The following SLC24A4 variants were observed in gnomAD, a reference collection of about 807,000 sequenced individuals.
The protein encoded by SLC24A4 is solute carrier family 24 member 4.
Under a neutral mutation model 79.0 loss-of-function variants are expected in SLC24A4, and 53 were observed. The ratio of observed to expected loss-of-function variants is 0.67; its 90% CI spans 0.54 to 0.84. The LOEUF (loss-of-function observed/expected upper bound fraction) is 0.84, where lower values mean the gene tolerates loss of function less well. Ranked by LOEUF, SLC24A4 falls within the 40% of genes least tolerant of loss-of-function variation. The pLI, the probability that SLC24A4 is intolerant of heterozygous loss-of-function variation, is 0.00. For synonymous variants in SLC24A4, 323 were observed against 323.8 expected, an observed-to-expected ratio of 1.00 and a Z score of 0.03; for missense variants, 731 against 822.0, an observed-to-expected ratio of 0.89 and a Z score of 1.35.
Position 92,449,196 on chromosome 14 carries a change from C to A in SLC24A4, c.860C>A (p.Ser287Tyr), listed in dbSNP as rs758036131. ...DFYDGSYDDP[S>Y]VPLLGQVKEK... ...TATGACGGTAGCTATGATGACCCTT[C>A]CGTGCCATTGCTGGGGCAAGGTAAG... Residue 287 changes from serine to tyrosine, a missense_variant, in exon 10 of 17, where the codon TCC (serine) becomes TAC (tyrosine). By Grantham distance (144) the Ser-to-Tyr change is moderately radical (BLOSUM62 -2). Transcript: ENST00000532405. The A allele has an allele frequency of 6.2e-7, 1 of 1,614,100 alleles. No homozygotes were observed. The highest frequency in any genetic ancestry group is 1.1e-5 in the South Asian group (1 of 91,082).
intron 2 of SLC24A4, among the ~76,000 whole-genome samples, chr14:92,361,510 A>T (rs956940472): frequency 6.6e-5 from 10 of 152,196 alleles, no homozygotes; most frequent in African/African-American, 2.2e-4. Context: ...AGGAAAAAAA[A>T]AAATGAAGAG....
At chr14:92,370,872 T>C (rs1274477909) in intron 2 of SLC24A4, among the ~76,000 whole-genome samples, 2 of 152,168 alleles carry the variant, frequency 1.3e-5, no homozygotes, top group Non-Finnish European at 2.9e-5. Context: ...ACAAAGGATC[T>C]AGAACCGGAG....
intron 12 of SLC24A4, among the ~76,000 whole-genome samples, chr14:92,461,782 A>G (rs1337736686): frequency 1.3e-5 from 2 of 152,148 alleles, no homozygotes; most frequent in African/African-American, 4.8e-5. Flanking sequence ...GCCCTTTTCT[A>G]AGAGCTTTAC....
At chr14:92,396,720 C>A (rs1243799597) in intron 2 of SLC24A4, among the ~76,000 whole-genome samples, 1 of 152,176 alleles carries the variant, frequency 6.6e-6, no homozygotes, top group Admixed American at 6.5e-5. Context: ...CAATTTTATA[C>A]TCTACTTTTC....
Position 92,476,202 on chromosome 14 carries a change from C to T in SLC24A4, c.1256-6478C>T, listed in dbSNP as rs151254938. On this transcript the variant is annotated intron_variant, in intron 12 of 16. Coordinates refer to ENST00000532405, the MANE Select transcript of SLC24A4 (RefSeq NM_153646.4). ...CTAAAGCGAATTCTTCCTCTACATACGGAGTTTTCTGTCAATTCTAGAAAT... is the reference window on the plus strand; with the variant it reads ...CTAAAGCGAATTCTTCCTCTACATATGGAGTTTTCTGTCAATTCTAGAAAT... Among the ~76,000 whole-genome samples, 310 of 152,296 alleles carry T rather than the reference C, an allele frequency of 2.0e-3. 3 individuals carry two copies. Among genetic ancestry groups the T allele is most frequent in the African/African-American group, 6.6e-3 (273 of 41,562 alleles).
intron 2 of SLC24A4, among the ~76,000 whole-genome samples, chr14:92,358,252 G>T (rs1371850051): frequency 6.6e-6 from 1 of 152,174 alleles, no homozygotes; most frequent in Non-Finnish European, 1.5e-5. Flanking sequence ...ACTGGGATAG[G>T]TCCTTCTTCT....
chr14:92,367,666 G>A (rs1887930148), intron 2 of SLC24A4, among the ~76,000 whole-genome samples: 1 of 152,236 alleles, frequency 6.6e-6, no homozygotes, highest in Non-Finnish European at 1.5e-5. Flanking sequence ...CTACAGGAAA[G>A]GATCGGGGTG....
chr14:92,394,793 A>G (rs908458325), intron 2 of SLC24A4, among the ~76,000 whole-genome samples: 2 of 152,238 alleles, frequency 1.3e-5, no homozygotes, highest in African/African-American at 2.4e-5. Flanking sequence ...TACACATCCT[A>G]TGGGATATCA....
At chr14:92,335,496 AG>A (rs373969977) in intron 2 of SLC24A4, among the ~76,000 whole-genome samples, 1 of 151,028 alleles carries the variant, frequency 6.6e-6, no homozygotes, top group Non-Finnish European at 1.5e-5. Flanking sequence ...CTGGGATTAC[AG>A]GCATGTGCCA....
chr14:92,385,288 C>T (rs554925347), intron 2 of SLC24A4, among the ~76,000 whole-genome samples: 2 of 152,204 alleles, frequency 1.3e-5, no homozygotes, highest in East Asian at 1.9e-4. Flanking sequence ...GGGCGGATCA[C>T]GAGGCCAGGA....
chr14:92,456,157 G>T (rs1449718247), intron 11 of SLC24A4, among the ~76,000 whole-genome samples: 1 of 152,252 alleles, frequency 6.6e-6, no homozygotes, highest in South Asian at 2.1e-4. Context: ...TGTCGAGCTG[G>T]CAGTAGGAAG....
chr14:92,343,994 C>T (rs796322897), intron 2 of SLC24A4, among the ~76,000 whole-genome samples: 3 of 152,206 alleles, frequency 2.0e-5, no homozygotes, highest in Non-Finnish European at 2.9e-5. Context: ...TGAGCCACCA[C>T]GCCCAACCAA....
chr14:92,414,042 G>A (rs61977268), intron 2 of SLC24A4, among the ~76,000 whole-genome samples: 10,042 of 152,162 alleles, frequency 0.066, 438 homozygotes, highest in East Asian at 0.095. Context: ...TAGATAAATG[G>A]TGTGTGAAGG....
At chr14:92,413,833 TGTGG>T (rs1361669699) in intron 2 of SLC24A4, among the ~76,000 whole-genome samples, 1 of 152,202 alleles carries the variant, frequency 6.6e-6, no homozygotes, top group Non-Finnish European at 1.5e-5. Context: ...TCCTGTAGTT[TGTGG>T]GTAGAGATAG....
chr14:92,339,021 C>T (rs913849977), intron 2 of SLC24A4, among the ~76,000 whole-genome samples: 12 of 152,328 alleles, frequency 7.9e-5, no homozygotes, highest in Middle Eastern at 3.4e-3. Flanking sequence ...CTACTCTCTC[C>T]CTGGCTGGCC....
rs1895851121 is a variant in SLC24A4, at chr14:92,494,309, A to G, written c.*681A>G. The G allele has an allele frequency of 6.5e-6, 1 of 152,710 alleles. No homozygotes were observed. The highest frequency in any genetic ancestry group is 2.4e-5 in the African/African-American group (1 of 41,476). 9.5% of individuals were successfully genotyped at this position (152,710 alleles called of 1,614,324 possible). On this transcript the variant is annotated 3_prime_UTR_variant, in exon 17 of 17. Transcript: ENST00000532405. This position sits in a 1 kb window ranked among gnomAD's most constrained non-coding sequence, Gnocchi z 4.6. ...GCATTCAGAGAATAAGCAATGAAATATTAAAAAATGAAACATCATATAGGT... is the reference window on the plus strand; with the variant it reads ...GCATTCAGAGAATAAGCAATGAAATGTTAAAAAATGAAACATCATATAGGT...
At chr14:92,375,616 T>C (rs1888456041) in intron 2 of SLC24A4, among the ~76,000 whole-genome samples, 1 of 152,250 alleles carries the variant, frequency 6.6e-6, no homozygotes, top group Non-Finnish European at 1.5e-5. Context: ...TGGAATATTA[T>C]TCAGCCTTAA....
At chr14:92,423,466 A>C (rs1347570348) in intron 2 of SLC24A4, among the ~76,000 whole-genome samples, 1 of 152,170 alleles carries the variant, frequency 6.6e-6, no homozygotes, top group Non-Finnish European at 1.5e-5. Context: ...AGCCTAATTT[A>C]CTTTAGATAT....
At chr14:92,445,168 GC>G in intron 7 of SLC24A4, 148 bp from the exon 8 acceptor site, 1 of 864,488 alleles carries the variant, frequency 1.2e-6, no homozygotes, top group Non-Finnish European at 2.0e-6. Context: ...CTAAGGAAAG[GC>G]CCGTAGGTGA....
Sources: gnomAD v4.1 joint callset for allele counts (sites outside exome capture counted in the v4.1 genomes callset) on GRCh38, gnomAD v4.1.1 for gene constraint, Gnocchi (gnomAD v3.1) non-coding constraint, MANE v1.5 for transcripts, NCBI Gene and HGNC (gene_info 2026-07-23, HGNC 2026-07-21) for gene names.